The following SDAD1 variants were observed in gnomAD, a reference collection of about 807,000 sequenced individuals.
The protein encoded by SDAD1 is protein SDA1 homolog.
Under a neutral mutation model 100.3 loss-of-function variants are expected in SDAD1, and 79 were observed. The ratio of observed to expected loss-of-function variants is 0.79; its 90% CI spans 0.66 to 0.95. SDAD1 has a LOEUF of 0.95. Among genes scored for constraint, SDAD1 ranks in the 40% least tolerant of loss-of-function variants. SDAD1 has a pLI of 0.00. For synonymous variants in SDAD1, 267 were observed against 271.4 expected, an observed-to-expected ratio of 0.98 and a Z score of 0.16; for missense variants, 790 against 810.9, an observed-to-expected ratio of 0.97 and a Z score of 0.31.
chr4:75,981,389 C>A lies in SDAD1; in HGVS notation c.277G>T (p.Asp93Tyr). 4 of 1,613,834 alleles carry A rather than the reference C, an allele frequency of 2.5e-6. No individual in the cohort carries two copies. The highest frequency in any genetic ancestry group is 3.4e-6 in the Non-Finnish European group (4 of 1,179,802). ...DLLSCNHTVLDPDLRMTFCKA... is the reference protein window; with the variant it reads ...DLLSCNHTVLYPDLRMTFCKA... The stretch of plus-strand genomic sequence containing the variant: ...GGTCCTACCATTCGCAGATCTGGAT[C>A]CAATACGGTATGATTGCAGGAGAGA... Residue 93 changes from aspartate to tyrosine, a missense_variant, in exon 3 of 22, where the codon GAT becomes TAT. By Grantham distance (160) the Asp-to-Tyr change is radical (BLOSUM62 -3). Transcript: ENST00000356260.
rs200260401 is a variant in SDAD1, at chr4:75,974,072, T to C, written c.636+4A>G. 558 of 1,613,056 alleles carry C rather than the reference T, an allele frequency of 3.5e-4. No homozygotes were observed. The highest frequency in any genetic ancestry group is 4.6e-4 in the Non-Finnish European group (539 of 1,179,240). ...AGCTTACACACAGCCCTATAGGTGCTCACCTTGGTGACCTTAGAGAAACAT... is the reference window on the plus strand; with the variant it reads ...AGCTTACACACAGCCCTATAGGTGCCCACCTTGGTGACCTTAGAGAAACAT... On this transcript the variant is annotated splice_donor_region_variant and intron_variant, in intron 7 of 21. Transcript: ENST00000356260.
In SDAD1 at chr4:75,956,889, C is replaced by T. The variant is rs1258716831; in HGVS notation, c.1854+436G>A. Among the ~76,000 whole-genome samples, 3 of 152,154 alleles carry T rather than the reference C, an allele frequency of 2.0e-5. No individual in the cohort carries two copies. In the East Asian group the frequency reaches 5.8e-4, roughly 29 times the overall value. On this transcript the variant is annotated intron_variant, in intron 20 of 21. Coordinates refer to ENST00000356260, the MANE Select transcript of SDAD1 (RefSeq NM_018115.4). The stretch of plus-strand genomic sequence containing the variant: ...CTTTGGGAGGCTGAGGCGGGTGGAT[C>T]GCATGAGGCCAGGAGTTTGAGACCA...
Position 75,973,377 on chromosome 4 carries a change from A to G in SDAD1, c.651T>C (p.Ala217=), listed in dbSNP as rs1480647657. ...CATCTTTCCCAAGAAAGAATGTCAA[A>G]GCGGCAACTAATATCTAAACACCAA... ...FSKVTKILVA[A]LTFFLGKDED... Residue 217 remains alanine, a synonymous_variant, in exon 8 of 22, where the codon GCT becomes GCC. Transcript: ENST00000356260. The G allele has an allele frequency of 6.2e-7, 1 of 1,613,264 alleles. No individual in the cohort carries two copies. Among genetic ancestry groups the G allele is most frequent in the African/African-American group, 1.3e-5 (1 of 74,892 alleles).
chr4:75,985,483 C>T (rs1176804351), intron 1 of SDAD1, among the ~76,000 whole-genome samples: 2 of 152,194 alleles, frequency 1.3e-5, no homozygotes, highest in Non-Finnish European at 1.5e-5. Context: ...TCACCCCCAG[C>T]TTTGAATCTT....
chr4:75,979,744 C>T (rs1362567594), intron 3 of SDAD1, among the ~76,000 whole-genome samples: 3 of 151,928 alleles, frequency 2.0e-5, no homozygotes, highest in African/African-American at 4.8e-5. Context: ...CGTGAGCCAC[C>T]GCGCCTGGCG....
chr4:75,983,943 C>G (rs1041102498), intron 1 of SDAD1, among the ~76,000 whole-genome samples: 1 of 152,028 alleles, frequency 6.6e-6, no homozygotes, highest in African/African-American at 2.4e-5. Context: ...AGTCTTTAAT[C>G]CATCTTGATT....
At chr4:75,967,434 A>G in intron 11 of SDAD1, 100 bp from the exon 12 acceptor site, 1 of 1,093,480 alleles carries the variant, frequency 9.1e-7, no homozygotes, top group Non-Finnish European at 1.4e-6. Flanking sequence ...TAATTGCAGA[A>G]CACTTTTGTT....
intron 1 of SDAD1, among the ~76,000 whole-genome samples, chr4:75,984,991 A>C (rs1730802956): frequency 6.6e-6 from 1 of 152,138 alleles, no homozygotes; most frequent in African/African-American, 2.4e-5. Flanking sequence ...TCAAGTCCCT[A>C]CATGCTTCAG....
Position 75,961,216 on chromosome 4 carries a change from T to A in SDAD1, c.1274A>T (p.Asp425Val). ...GAGAGTAACATGCAGCTTACTCTTATCCTTGTGTGTTTTATACTGAGCCAG... is the reference window on the plus strand; with the variant it reads ...GAGAGTAACATGCAGCTTACTCTTAACCTTGTGTGTTTTATACTGAGCCAG... ...QDLAQYKTHKDKNVMMSARTL... is the reference protein window; with the variant it reads ...QDLAQYKTHKVKNVMMSARTL... The change falls in exon 15 of 22, where the codon GAT becomes GTT. Residue 425 changes from aspartate to valine, a missense_variant. Transcript: ENST00000356260. 1 of 1,613,684 alleles carries A rather than the reference T, an allele frequency of 6.2e-7. No individual in the cohort carries two copies. Among genetic ancestry groups the A allele is most frequent in the Non-Finnish European group, 8.5e-7 (1 of 1,179,606 alleles).
At chr4:75,965,845 AGGTCAT>A in intron 12 of SDAD1, 23 bp from the exon 13 acceptor site, 2 of 1,609,202 alleles carry the variant, frequency 1.2e-6, no homozygotes, top group Non-Finnish European at 1.7e-6. Flanking sequence ...GAGAACAGAA[AGGTCAT>A]GGTCAGTGTA....
At chr4:75,985,468 T>C (rs1440489754) in intron 1 of SDAD1, among the ~76,000 whole-genome samples, 1 of 152,092 alleles carries the variant, frequency 6.6e-6, no homozygotes, top group Non-Finnish European at 1.5e-5. Context: ...TCTCCTCAAC[T>C]GTCCTCACCC....
chr4:75,978,982 G>GAAAA lies in SDAD1; in HGVS notation c.295-1230_295-1227dup, dbSNP rs538009004. Among the ~76,000 whole-genome samples the GAAAA allele has an allele frequency of 2.4e-4, 9 of 38,062 alleles. 2 individuals carry two copies. Among genetic ancestry groups the GAAAA allele is most frequent in the African/African-American group, 3.5e-4 (6 of 17,026 alleles). The allele number at this position is 38,062 out of a possible 152,430, so 25.0% of individuals were successfully genotyped here. A position where few individuals can be genotyped will look rare whatever the true frequency, so the allele number is the denominator to read the frequency against. On this transcript the variant is annotated intron_variant, in intron 3 of 21. Coordinates refer to ENST00000356260, the MANE Select transcript of SDAD1 (RefSeq NM_018115.4). ...CAGCTGAGTGACAGACCCTGTCTCA[G>GAAAA]AAAAAAAAAAAAAAAAAAAAAAAAA...
chr4:75,986,086 G>A (rs1165659262), intron 1 of SDAD1, among the ~76,000 whole-genome samples: 1 of 152,150 alleles, frequency 6.6e-6, no homozygotes, highest in Non-Finnish European at 1.5e-5. Context: ...CATGGTTGGA[G>A]AAAATCGGCT....
intron 8 of SDAD1, 46 bp downstream of exon 8, chr4:75,973,255 ACAATGTGTACTCAGAG>A: frequency 7.4e-7 from 1 of 1,344,280 alleles, no homozygotes; most frequent in African/African-American, 1.4e-5. Flanking sequence ...CATAGACTTT[ACAATGTGTACTCAGAG>A]CAATAATAAA....
intron 10 of SDAD1, among the ~76,000 whole-genome samples, chr4:75,969,738 G>C (rs964023092): frequency 3.9e-5 from 6 of 152,176 alleles, no homozygotes; most frequent in Admixed American, 1.3e-4. Context: ...CAGGTGATCT[G>C]TATCTACATG....
chr4:75,982,589 C>T (rs979162199), intron 1 of SDAD1, among the ~76,000 whole-genome samples: 2 of 152,048 alleles, frequency 1.3e-5, no homozygotes, highest in Non-Finnish European at 2.9e-5. Flanking sequence ...GTTGAGACTG[C>T]AGTGAGCTAT....
Position 75,974,148 on chromosome 4 carries a change from T to C in SDAD1, c.579-15A>G. The C allele has an allele frequency of 3.1e-6, 5 of 1,608,478 alleles. No homozygotes were observed. Among genetic ancestry groups the C allele is most frequent in the Non-Finnish European group, 4.3e-6 (5 of 1,175,130 alleles). ...TTGCATCATTCCTGGGGGAAGACAA[T>C]GAATGCTTTGAAGTAAATTTTCATT... On this transcript the variant is annotated splice_polypyrimidine_tract_variant and intron_variant, in intron 6 of 21. Transcript: ENST00000356260.
chr4:75,976,539 T>C (rs1337503364), intron 4 of SDAD1, among the ~76,000 whole-genome samples: 1 of 152,142 alleles, frequency 6.6e-6, no homozygotes, highest in African/African-American at 2.4e-5. Context: ...TGACCCAAAG[T>C]AGACTGGTGA....
intron 3 of SDAD1, among the ~76,000 whole-genome samples, chr4:75,979,720 G>A (rs193104658): frequency 3.3e-5 from 5 of 152,080 alleles, no homozygotes; most frequent in Non-Finnish European, 7.4e-5. Context: ...CTCCCAAAGT[G>A]CTGGGATTAC....
Sources: allele counts gnomAD v4.1 joint callset (sites outside exome capture counted in the v4.1 genomes callset), GRCh38; gene constraint gnomAD v4.1.1; transcripts MANE v1.5; gene names NCBI Gene and HGNC (gene_info 2026-07-23, HGNC 2026-07-21).